ZEB2: variants seen among roughly 807,000 people sequenced by gnomAD.
ZEB2 encodes zinc finger E-box binding homeobox 2, also known as zinc finger E-box-binding homeobox 2.
Under a neutral mutation model 99.9 loss-of-function variants are expected in ZEB2, and 6 were observed. The ratio of observed to expected loss-of-function variants is 0.06; its 90% confidence interval spans 0.03 to 0.12. The LOEUF (loss-of-function observed/expected upper bound fraction) is 0.12, where lower values mean the gene tolerates loss of function less well. Ranked by LOEUF, ZEB2 falls within the 10% of genes least tolerant of loss-of-function variation. The pLI, the probability that ZEB2 is intolerant of heterozygous loss-of-function variation, is 1.00. For synonymous variants in ZEB2, 517 were observed against 542.5 expected, an observed-to-expected ratio of 0.95 and a Z score of 0.65; for missense variants, 969 against 1,502.8, an observed-to-expected ratio of 0.64 and a Z score of 5.87.
intron 2 of ZEB2, among the ~76,000 whole-genome samples, chr2:144,481,846 G>A (rs756453592): frequency 6.6e-6 from 1 of 152,126 alleles, no homozygotes; most frequent in African/African-American, 2.4e-5. Context: ...ACTATAGTGC[G>A]TCACCCTTCA....
chr2:144,428,816 A>G (rs944472325), intron 3 of ZEB2: 6 of 152,110 alleles, frequency 3.9e-5, no homozygotes, highest in Non-Finnish European at 7.4e-5. Flanking sequence ...CACTTCACCT[A>G]TTTATAAAAA....
At chr2:144,423,889 T>C (rs1703653655) in intron 4 of ZEB2, among the ~76,000 whole-genome samples, 1 of 152,078 alleles carries the variant, frequency 6.6e-6, no homozygotes, top group Non-Finnish European at 1.5e-5. Context: ...TTATTTTTCA[T>C]GGATGAGTTG....
chr2:144,487,065 T>C (rs539676248), intron 2 of ZEB2, among the ~76,000 whole-genome samples: 4 of 152,274 alleles, frequency 2.6e-5, no homozygotes, highest in African/African-American at 9.6e-5. Context: ...AACTAGAAAA[T>C]GATTTTCATT....
chr2:144,498,978 C>T (rs6705150), intron 2 of ZEB2, among the ~76,000 whole-genome samples: 97,636 of 152,040 alleles, frequency 0.64, 32,234 homozygotes, highest in Non-Finnish European at 0.73. Flanking sequence ...ACCTTTCTCC[C>T]GAAAATGTCC....
intron 2 of ZEB2, among the ~76,000 whole-genome samples, chr2:144,446,546 A>G (rs1703987575): frequency 6.6e-6 from 1 of 152,186 alleles, no homozygotes; most frequent in African/African-American, 2.4e-5. Flanking sequence ...TATTATCTTC[A>G]GCAAGGTCCA....
intron 2 of ZEB2, among the ~76,000 whole-genome samples, chr2:144,453,159 A>G (rs1704077285): frequency 6.6e-6 from 1 of 152,262 alleles, no homozygotes. Flanking sequence ...AGTTCGTGCT[A>G]TATTTAATAC....
At chr2:144,478,448 A>ATG (rs1704461533) in intron 2 of ZEB2, among the ~76,000 whole-genome samples, 1 of 152,196 alleles carries the variant, frequency 6.6e-6, no homozygotes, top group Non-Finnish European at 1.5e-5. Context: ...AGAGTTGTAT[A>ATG]TGTGTGTGTA....
chr2:144,505,582 G>A (rs530409209), intron 2 of ZEB2, among the ~76,000 whole-genome samples: 2 of 152,302 alleles, frequency 1.3e-5, no homozygotes, highest in Non-Finnish European at 2.9e-5. Flanking sequence ...GGAGTGGGAG[G>A]TGGCTGGATT....
intron 4 of ZEB2, among the ~76,000 whole-genome samples, chr2:144,419,178 A>G (rs1703585019): frequency 6.6e-6 from 1 of 152,194 alleles, no homozygotes; most frequent in Non-Finnish European, 1.5e-5. Flanking sequence ...ATTGGTCTCT[A>G]GAATCTGGAG....
At chr2:144,438,364 T>G (rs1370951588) in intron 2 of ZEB2, among the ~76,000 whole-genome samples, 1 of 151,960 alleles carries the variant, frequency 6.6e-6, no homozygotes, top group African/African-American at 2.4e-5. Flanking sequence ...ACCTTCAAGG[T>G]AGCAAGAGGT....
At chr2:144,456,954 G>A (rs1346604820) in intron 2 of ZEB2, among the ~76,000 whole-genome samples, 2 of 152,064 alleles carry the variant, frequency 1.3e-5, no homozygotes, top group Non-Finnish European at 2.9e-5. Context: ...AATCGTTCCA[G>A]CTCTCACACT....
intron 4 of ZEB2, among the ~76,000 whole-genome samples, chr2:144,415,860 G>A (rs1366546258): frequency 6.6e-6 from 1 of 152,210 alleles, no homozygotes; most frequent in Non-Finnish European, 1.5e-5. Context: ...GAAGTCGAAA[G>A]TCATCCATTT....
chr2:144,483,933 A>G (rs1560644139), intron 2 of ZEB2, among the ~76,000 whole-genome samples: 1 of 152,150 alleles, frequency 6.6e-6, no homozygotes. Flanking sequence ...GAATATAGAA[A>G]CCACTATGGA....
chr2:144,471,374 A>G (rs1704352819), intron 2 of ZEB2, among the ~76,000 whole-genome samples: 1 of 152,174 alleles, frequency 6.6e-6, no homozygotes, highest in Non-Finnish European at 1.5e-5. Context: ...AGGGCCCTCA[A>G]TCACAAACCT....
chr2:144,424,435 T>A (rs762164172), intron 4 of ZEB2: 1 of 530,040 alleles, frequency 1.9e-6, no homozygotes, highest in Admixed American at 1.9e-5. Flanking sequence ...ACGACTGATA[T>A]CAAGTGGTGG....
At chr2:144,395,591 T>C (rs773797858) in intron 9 of ZEB2, among the ~76,000 whole-genome samples, 3 of 152,138 alleles carry the variant, frequency 2.0e-5, no homozygotes, top group Non-Finnish European at 4.4e-5. Context: ...GGGATGAGGT[T>C]CAGCTACCTT....
rs542398495 is a variant in ZEB2 at position 144,405,098 on chromosome 2, G to A, written c.404-74C>T. On this transcript the variant is annotated intron_variant, in intron 4 of 9. Transcript: ENST00000627532. ...GGATCCCAAGTCCATCTCCATCATA[G>A]CCAGTGAGAAATGCTGACTTGCAAT... 192 of 1,491,688 alleles carry A rather than the reference G, an allele frequency of 1.3e-4. 5 individuals carry two copies. The South Asian group carries it at 1.9e-3, about 15-fold the overall frequency. The allele number at this position is 1,491,688 out of a possible 1,614,324, so 92.4% of individuals were successfully genotyped here.
At chr2:144,462,997 A>C (rs1176488536) in intron 2 of ZEB2, 1 of 152,212 alleles carries the variant, frequency 6.6e-6, no homozygotes, top group African/African-American at 2.4e-5. Context: ...ATTTTAAAAA[A>C]TTGTACACAT....
chr2:144,519,852 A>G (rs1188309744), intron 1 of ZEB2, 87 bp downstream of exon 1: 1 of 374,754 alleles, frequency 2.7e-6, no homozygotes, highest in East Asian at 7.2e-5. Flanking sequence ...ATCCCCACTC[A>G]AAATGAGAAA....
Sources: allele counts gnomAD v4.1 joint callset (sites outside exome capture counted in the v4.1 genomes callset), GRCh38; gene constraint gnomAD v4.1.1; transcripts MANE v1.5; gene names NCBI Gene and HGNC (gene_info 2026-07-23, HGNC 2026-07-21).